HMCN1: variants seen among roughly 807,000 people sequenced by gnomAD.
HMCN1 encodes the protein hemicentin 1.
HMCN1 carries 321 observed loss-of-function variants against 625.9 expected under a neutral mutation model. The observed-to-expected ratio is 0.51, with a 90% CI of 0.47 to 0.56. The LOEUF (loss-of-function observed/expected upper bound fraction) is 0.56. HMCN1 is among the 20% of genes least tolerant of loss of function. HMCN1 has a pLI of 0.00. For missense variants in HMCN1, 6,588 were observed against 6,887.3 expected, an observed-to-expected ratio of 0.96 and a Z score of 1.54; for synonymous variants, 2,425 against 2,417.6, an observed-to-expected ratio of 1.00 and a Z score of -0.09.
rs1050306414 is a variant in HMCN1 at position 185,797,748 on chromosome 1, C to T, written c.269-48278C>T. Among the ~76,000 whole-genome samples the T allele has an allele frequency of 4.0e-4, 51 of 128,590 alleles. 3 individuals carry two copies. The highest frequency in any genetic ancestry group is 5.6e-4 in the Non-Finnish European group (38 of 67,662). The allele number at this position is 128,590 out of a possible 152,430, so 84.4% of individuals were successfully genotyped here. On this transcript the variant is annotated intron_variant, in intron 1 of 106. Coordinates refer to ENST00000271588, the MANE Select transcript of HMCN1 (RefSeq NM_031935.3). The stretch of plus-strand genomic sequence containing the variant: ...TTGGGAGGCCGAGGCGGGCGGATCA[C>T]GAGGTCAGGAGATCGAGACCATCCC...
intron 1 of HMCN1, among the ~76,000 whole-genome samples, chr1:185,818,430 G>C (rs766966265): frequency 6.6e-6 from 1 of 151,764 alleles, no homozygotes; most frequent in African/African-American, 2.4e-5. Flanking sequence ...TATGAATATT[G>C]GTTTCCAGAT....
chr1:186,083,816 A>G (rs1033115938), intron 57 of HMCN1, among the ~76,000 whole-genome samples: 2 of 152,126 alleles, frequency 1.3e-5, no homozygotes, highest in East Asian at 1.9e-4. Context: ...AAACACTTTT[A>G]TCTTTTTAAT....
Position 186,132,373 on chromosome 1 carries a change from G to T in HMCN1, c.13276G>T (p.Gly4426Trp). 1 of 1,612,708 alleles carries T rather than the reference G, an allele frequency of 6.2e-7. No individual in the cohort carries two copies. Among genetic ancestry groups the T allele is most frequent in the Non-Finnish European group, 8.5e-7 (1 of 1,179,306 alleles). Residue 4426 changes from glycine to tryptophan, a missense_variant, in exon 86 of 107, where the codon GGG becomes TGG. Physicochemically the swap from Gly to Trp is radical, Grantham distance 184. This residue lies in a region of HMCN1 where 1,954 missense variants were observed against 2,013.1 expected (regional missense o/e 0.97). Transcript: ENST00000271588. ...DYTCVATNEA[G>W]VVERSMSLTL... ...TACATGTGTAGCTACCAATGAAGCT[G>T]GGGTGGTGGAGCGCAGCATGAGTCT...
chr1:185,880,935 C>T (rs775592723), intron 4 of HMCN1, among the ~76,000 whole-genome samples: 8 of 152,312 alleles, frequency 5.3e-5, no homozygotes, highest in Non-Finnish European at 8.8e-5. Context: ...GGAGGGAGCG[C>T]GCAGGTGAGC....
intron 35 of HMCN1, among the ~76,000 whole-genome samples, chr1:186,021,349 G>C (rs1654707183): frequency 6.6e-6 from 1 of 152,002 alleles, no homozygotes. Context: ...GATTTTGGGG[G>C]GTTAAGGTGA....
chr1:186,102,817 C>T (rs1325754709), intron 68 of HMCN1, among the ~76,000 whole-genome samples: 1 of 152,068 alleles, frequency 6.6e-6, no homozygotes, highest in African/African-American at 2.4e-5. Flanking sequence ...AAGGAATTAC[C>T]AAAGTTGGGA....
intron 1 of HMCN1, among the ~76,000 whole-genome samples, chr1:185,781,138 A>C (rs1657063486): frequency 6.6e-6 from 1 of 152,134 alleles, no homozygotes; most frequent in African/African-American, 2.4e-5. Flanking sequence ...ATTTGCATAG[A>C]GGTGTTTATA....
chr1:186,144,022 GATC>G, intron 89 of HMCN1, 148 bp from the exon 90 acceptor site: 1 of 667,214 alleles, frequency 1.5e-6, no homozygotes, highest in South Asian at 2.7e-5. Flanking sequence ...GAAGGAGAAA[GATC>G]ATCATTTGTT....
chr1:185,882,694 T>C (rs1224125462), intron 4 of HMCN1, among the ~76,000 whole-genome samples: 1 of 152,068 alleles, frequency 6.6e-6, no homozygotes, highest in Admixed American at 6.6e-5. Flanking sequence ...GCAAGTGAAG[T>C]ATATTTTATG....
chr1:185,950,671 G>A lies in HMCN1; in HGVS notation c.1829-11847G>A, dbSNP rs1225987325. Among the ~76,000 whole-genome samples, 5 of 152,014 alleles carry A rather than the reference G, an allele frequency of 3.3e-5. No homozygotes were observed. The East Asian group carries it at 7.7e-4, about 23-fold the overall frequency. On this transcript the variant is annotated intron_variant, in intron 11 of 106. Transcript: ENST00000271588. The stretch of plus-strand genomic sequence containing the variant: ...GGGCTGTCTGTGAAGCTTTGCAGCA[G>A]TACAGCCTAGGTAATTTGCTGAGCT...
At position 185,762,874 on chromosome 1, in the gene HMCN1, T is replaced by G. The variant is rs2170860; in HGVS notation, c.268+27827T>G. On this transcript the variant is annotated intron_variant, in intron 1 of 106. Transcript: ENST00000271588. ...TGCAAAACTCAGACTTTTAAAGGAATTTTTTTTCTTTTGTCCAATGCTATT... is the reference window on the plus strand; with the variant it reads ...TGCAAAACTCAGACTTTTAAAGGAAGTTTTTTTCTTTTGTCCAATGCTATT... 1.5e-3 allele frequency among the ~76,000 whole-genome samples: 223 copies of G among 152,234 alleles called. 1 individual carries two copies. Among genetic ancestry groups the G allele is most frequent in the African/African-American group, 5.2e-3 (217 of 41,516 alleles).
rs1175356084 is a variant in HMCN1, at chr1:185,917,662, C to T, written c.901-4717C>T. The stretch of plus-strand genomic sequence containing the variant: ...AAACCTACAAAACCTACACTTATCA[C>T]GTGCCAGCTGAGTGACATTCTGTGG... On this transcript the variant is annotated intron_variant, in intron 6 of 106. Transcript: ENST00000271588. Among the ~76,000 whole-genome samples, 8 of 152,186 alleles carry T rather than the reference C, an allele frequency of 5.3e-5. No homozygotes were observed. In the East Asian group the frequency reaches 1.2e-3, roughly 22 times the overall value.
At chr1:186,031,762 T>C (rs182125896) in intron 36 of HMCN1, among the ~76,000 whole-genome samples, 1 of 152,260 alleles carries the variant, frequency 6.6e-6, no homozygotes, top group Non-Finnish European at 1.5e-5. Context: ...TTGTTTCTTC[T>C]TCCACCTTCC....
Position 185,994,972 on chromosome 1 carries a change from T to C in HMCN1, c.3663T>C (p.Asn1221=), listed in dbSNP as rs1571683686. Residue 1221 remains asparagine, a synonymous_variant, in exon 24 of 107, where the codon AAT becomes AAC. Transcript: ENST00000271588. The part of the protein sequence containing the change: ...MLVDGEHHVS[N]PDGTLSIDQA... ...TTGATGGAGAGCACCATGTTAGCAA[T>C]CCAGACGGAACTTTAAGCATCGACC... 1.2e-6 allele frequency: 2 copies of C among 1,613,872 alleles called. No homozygotes were observed. Among genetic ancestry groups the C allele is most frequent in the Non-Finnish European group, 1.7e-6 (2 of 1,179,860 alleles).
chr1:185,963,912 TA>T lies in HMCN1; in HGVS notation c.2098+21del. On this transcript the variant is annotated intron_variant, in intron 13 of 106. Coordinates refer to ENST00000271588, the MANE Select transcript of HMCN1 (RefSeq NM_031935.3). ...GATACATTGGCAAGTATAATCACTTTAAAAGGCAATTAAAATAGGATGAATA... is the reference window on the plus strand; with the variant it reads ...GATACATTGGCAAGTATAATCACTTTAAAGGCAATTAAAATAGGATGAATA... The T allele has an allele frequency of 6.2e-7, 1 of 1,605,568 alleles. No homozygotes were observed. The highest frequency in any genetic ancestry group is 1.1e-5 in the South Asian group (1 of 90,950).
At chr1:186,130,165 CTTTAT>C (rs1661856112) in intron 84 of HMCN1, 65 bp downstream of exon 84, 2 of 1,600,458 alleles carry the variant, frequency 1.2e-6, no homozygotes, top group South Asian at 2.2e-5. Context: ...AGTTTTGCTT[CTTTAT>C]TTTATGGTAA....
At chr1:186,185,767 T>A (rs1191813889) in intron 105 of HMCN1, among the ~76,000 whole-genome samples, 1 of 152,230 alleles carries the variant, frequency 6.6e-6, no homozygotes, top group Non-Finnish European at 1.5e-5. Context: ...AATTATGTAC[T>A]ACTGTACAAT....
intron 11 of HMCN1, among the ~76,000 whole-genome samples, chr1:185,950,989 G>A (rs559864833): frequency 6.6e-6 from 1 of 151,050 alleles, no homozygotes; most frequent in Non-Finnish European, 1.5e-5. Flanking sequence ...TGCTGTAGCA[G>A]GCGAGTGATA....
intron 1 of HMCN1, among the ~76,000 whole-genome samples, chr1:185,828,713 C>T (rs1264610847): frequency 6.6e-6 from 1 of 151,950 alleles, no homozygotes; most frequent in Non-Finnish European, 1.5e-5. Flanking sequence ...AAATTAATAA[C>T]AAGGGAGGTA....
Sources: allele counts gnomAD v4.1 joint callset (sites outside exome capture counted in the v4.1 genomes callset), GRCh38; gene constraint gnomAD v4.1.1; regional missense constraint gnomAD v4.1.1; transcripts MANE v1.5; gene names NCBI Gene and HGNC (gene_info 2026-07-23, HGNC 2026-07-21).